Variants in CCDC170 observed in about 807,000 individuals in gnomAD.
The protein encoded by CCDC170 is coiled-coil domain-containing protein 170.
CCDC170 carries 69 observed loss-of-function variants against 72.6 expected under a neutral mutation model. The observed-to-expected ratio is 0.95, with a 90% CI of 0.78 to 1.16. The LOEUF is 1.16. Ranked by LOEUF, CCDC170 falls within the 50% of genes most tolerant of loss-of-function variation. CCDC170 has a pLI of 0.00. For synonymous variants in CCDC170, 300 were observed against 303.9 expected (o/e 0.99, Z 0.13); for missense variants, 852 against 832.5 (o/e 1.02, Z -0.29).
rs1245742534 is a variant in CCDC170, at chr6:151,533,211, A to G, written c.58-3107A>G. Among the ~76,000 whole-genome samples, 47 of 150,238 alleles carry G rather than the reference A, an allele frequency of 3.1e-4. 1 individual carries two copies. The highest frequency in any genetic ancestry group is 3.5e-3 in the Middle Eastern group (1 of 288). On this transcript the variant is annotated intron_variant, in intron 1 of 10. Coordinates refer to ENST00000239374, the MANE Select transcript of CCDC170 (RefSeq NM_025059.4). ...TGGGACTACAGGCGCCCGCCACCAC[A>G]CCCGGCTAATTTTTTTTTATTTTTA... is the stretch of plus-strand genomic sequence containing the variant.
At chr6:151,562,263 A>C (rs1195708768) in intron 5 of CCDC170, among the ~76,000 whole-genome samples, 1 of 152,204 alleles carries the variant, frequency 6.6e-6, no homozygotes, top group African/African-American at 2.4e-5. Context: ...GAGCTAGTGC[A>C]ATGCTTTGGA....
At chr6:151,517,403 C>G (rs887303761) in intron 1 of CCDC170, among the ~76,000 whole-genome samples, 2 of 151,622 alleles carry the variant, frequency 1.3e-5, no homozygotes, top group Non-Finnish European at 2.9e-5. Context: ...ACTGAGGACT[C>G]CCATACCCTT....
At chr6:151,606,299 G>A (rs1367312223) in intron 9 of CCDC170, among the ~76,000 whole-genome samples, 1 of 152,054 alleles carries the variant, frequency 6.6e-6, no homozygotes, top group Non-Finnish European at 1.5e-5. Flanking sequence ...TGTATTTCAC[G>A]GGTTTTAATA....
intron 9 of CCDC170, among the ~76,000 whole-genome samples, chr6:151,600,004 G>C (rs9478226): frequency 1.2e-4 from 19 of 152,016 alleles, no homozygotes; most frequent in African/African-American, 4.6e-4. Context: ...GTATAGGAGA[G>C]ACTTGGTTTG....
Position 151,617,928 on chromosome 6 carries a change from T to A in CCDC170, c.1948-19T>A. ...ACATTTTGTTCTCCCAGTTAATGAGTTTCTGTTTGATATTGCAGCTGGCAG... is the reference window on the plus strand; with the variant it reads ...ACATTTTGTTCTCCCAGTTAATGAGATTCTGTTTGATATTGCAGCTGGCAG... On this transcript the variant is annotated intron_variant, in intron 10 of 10. Transcript: ENST00000239374. 1 of 1,605,830 alleles carries A rather than the reference T, an allele frequency of 6.2e-7. No homozygotes were observed. Among genetic ancestry groups the A allele is most frequent in the South Asian group, 1.1e-5 (1 of 90,618 alleles).
intron 1 of CCDC170, among the ~76,000 whole-genome samples, chr6:151,530,342 T>G (rs1303927318): frequency 6.6e-6 from 1 of 151,606 alleles, no homozygotes; most frequent in African/African-American, 2.4e-5. Context: ...CAAATACTTT[T>G]CTGGAAATTT....
In CCDC170 at chr6:151,620,853, A is replaced by G. The variant is rs1436742520; in HGVS notation, c.*2706A>G. The G allele has an allele frequency of 6.6e-6, 1 of 151,996 alleles. No homozygotes were observed. The highest frequency in any genetic ancestry group is 2.4e-5 in the African/African-American group (1 of 41,394). The allele number at this position is 151,996 out of a possible 1,614,324, so 9.4% of individuals were successfully genotyped here. On this transcript the variant is annotated 3_prime_UTR_variant, in exon 11 of 11. Coordinates refer to ENST00000239374, the MANE Select transcript of CCDC170 (RefSeq NM_025059.4). ...TATCATTAATTTTATATCAGGATTC[A>G]TGTAAGAGACTAAAAATGATCCATA...
intron 3 of CCDC170, among the ~76,000 whole-genome samples, chr6:151,542,764 G>A (rs1782710856): frequency 6.6e-6 from 1 of 152,172 alleles, no homozygotes; most frequent in Non-Finnish European, 1.5e-5. Flanking sequence ...GTAGTTTAGA[G>A]ACCTTTGGAA....
Position 151,615,546 on chromosome 6 carries a change from A to C in CCDC170, c.1814A>C (p.Lys605Thr). 6.2e-7 allele frequency: 1 copy of C among 1,614,150 alleles called. No individual in the cohort carries two copies. Among genetic ancestry groups the C allele is most frequent in the Non-Finnish European group, 8.5e-7 (1 of 1,179,978 alleles). The change falls in exon 10 of 11, where the codon AAG becomes ACG. Residue 605 changes from lysine to threonine, a missense_variant. Coordinates refer to ENST00000239374, the MANE Select transcript of CCDC170 (RefSeq NM_025059.4). ...GCTGAGAAAAAGCTCATGTCTGTCA[A>C]GTCAGAACTGGATACCACAGAACAT... ...EKAEKKLMSV[K>T]SELDTTEHEA...
intron 9 of CCDC170, among the ~76,000 whole-genome samples, chr6:151,610,463 C>A (rs1487576987): frequency 6.6e-6 from 1 of 152,166 alleles, no homozygotes; most frequent in East Asian, 1.9e-4. Context: ...TATATTTTGC[C>A]TGGAGAGAGA....
At chr6:151,565,735 T>G (rs1232583370) in intron 5 of CCDC170, among the ~76,000 whole-genome samples, 3 of 152,202 alleles carry the variant, frequency 2.0e-5, no homozygotes, top group South Asian at 4.1e-4. Context: ...TACTTCCCGG[T>G]TTTTACCATA....
Position 151,494,088 on chromosome 6 carries a change from G to GCCGGTT in CCDC170, c.-36_-31dup, listed in dbSNP as rs1781872558. The GCCGGTT allele has an allele frequency of 6.8e-7, 1 of 1,479,546 alleles. No individual in the cohort carries two copies. Among genetic ancestry groups the GCCGGTT allele is most frequent in the East Asian group, 3.0e-5 (1 of 33,890 alleles). The allele number at this position is 1,479,546 out of a possible 1,614,324, so 91.7% of individuals were successfully genotyped here. A position where few individuals can be genotyped will look rare whatever the true frequency, so the allele number is the denominator to read the frequency against. ...CTCCCGGCGCCGCCGCTTCCTCAGG[G>GCCGGTT]CCGGTTCCGGGTCCGAGCGCGCCCC... On this transcript the variant is annotated 5_prime_UTR_variant, in exon 1 of 11. Transcript: ENST00000239374.
At chr6:151,585,277 A>G (rs1307148702) in intron 6 of CCDC170, among the ~76,000 whole-genome samples, 1 of 152,172 alleles carries the variant, frequency 6.6e-6, no homozygotes, top group Non-Finnish European at 1.5e-5. Context: ...CCTTATTTAG[A>G]GTCACCATAT....
chr6:151,538,010 G>GT, intron 2 of CCDC170, 35 bp from the exon 3 acceptor site: 1 of 1,387,588 alleles, frequency 7.2e-7, no homozygotes, highest in Non-Finnish European at 9.7e-7. Flanking sequence ...ATGTTGTTAA[G>GT]GTTTTTTTTT....
At chr6:151,565,724 A>G (rs1187093343) in intron 5 of CCDC170, among the ~76,000 whole-genome samples, 2 of 152,096 alleles carry the variant, frequency 1.3e-5, no homozygotes, top group African/African-American at 4.8e-5. Context: ...TTCTTTCTAT[A>G]TACTTCCCGG....
In CCDC170 at chr6:151,494,226, G is replaced by C. The variant is rs909666536; in HGVS notation, c.57+41G>C. 3 of 1,478,506 alleles carry C rather than the reference G, an allele frequency of 2.0e-6. No homozygotes were observed. In the South Asian group the frequency reaches 3.9e-5, roughly 19 times the overall value. 91.6% of individuals were successfully genotyped at this position (1,478,506 alleles called of 1,614,324 possible). On this transcript the variant is annotated intron_variant, in intron 1 of 10. Transcript: ENST00000239374. ...CCGGCCGCGCGCGGGGGTGGCCCTGGGGATAGACGACCCAGGAGGGGCCGA... is the reference window on the plus strand; with the variant it reads ...CCGGCCGCGCGCGGGGGTGGCCCTGCGGATAGACGACCCAGGAGGGGCCGA...
chr6:151,509,899 T>C (rs1293743174), intron 1 of CCDC170, among the ~76,000 whole-genome samples: 2 of 152,058 alleles, frequency 1.3e-5, no homozygotes, highest in African/African-American at 2.4e-5. Context: ...CCAAGACAGC[T>C]GGATCACAAG....
At chr6:151,586,153 A>G (rs1583038684) in intron 7 of CCDC170, 64 bp downstream of exon 7, 2 of 1,510,734 alleles carry the variant, frequency 1.3e-6, no homozygotes, top group East Asian at 4.6e-5. Context: ...TTTACCTGAA[A>G]ATATCCTGAA....
At chr6:151,513,399 C>T (rs1782176702) in intron 1 of CCDC170, among the ~76,000 whole-genome samples, 1 of 152,018 alleles carries the variant, frequency 6.6e-6, no homozygotes, top group Non-Finnish European at 1.5e-5. Flanking sequence ...CACTTGAGGT[C>T]AGGAGTTCAA....
Sources: allele counts gnomAD v4.1 joint callset (sites outside exome capture counted in the v4.1 genomes callset), GRCh38; gene constraint gnomAD v4.1.1; transcripts MANE v1.5; gene names NCBI Gene and HGNC (gene_info 2026-07-23, HGNC 2026-07-21).